The following ZNF71 variants were observed in gnomAD, a reference collection of about 807,000 sequenced individuals.
ZNF71 encodes zinc finger protein 71, also known as endothelial zinc finger protein induced by tumor necrosis factor alpha.
In ZNF71, 3 loss-of-function variants were observed where a neutral mutation model predicts 6.7. The observed-to-expected ratio is 0.45, with a 90% CI of 0.20 to 1.16. The LOEUF (loss-of-function observed/expected upper bound fraction) is 1.16. ZNF71 is among the 50% of genes most tolerant of loss of function. The pLI is 0.25. For synonymous variants in ZNF71, 343 were observed against 311.1 expected (o/e 1.10, Z -1.08); for missense variants, 688 against 728.6 (o/e 0.94, Z 0.64).
intron 1 of ZNF71, among the ~76,000 whole-genome samples, chr19:56,596,674 ACT>A (rs1439152639): frequency 1.3e-5 from 2 of 152,112 alleles, no homozygotes; most frequent in African/African-American, 4.8e-5. Flanking sequence ...TGTCCCAGTA[ACT>A]CTGAGGTAGA....
intron 1 of ZNF71, among the ~76,000 whole-genome samples, chr19:56,600,937 C>T (rs1336365507): frequency 6.6e-6 from 1 of 152,120 alleles, no homozygotes; most frequent in South Asian, 2.1e-4. Context: ...ATGGTAACCC[C>T]ATGAAGTCTG....
intron 2 of ZNF71, among the ~76,000 whole-genome samples, chr19:56,612,703 C>T (rs748745418): frequency 1.1e-4 from 17 of 152,154 alleles, no homozygotes; most frequent in Non-Finnish European, 2.4e-4. Context: ...GATGGGTGCA[C>T]TAAAATCCCA....
chr19:56,617,112 G>GTTTTTTTTTTTTTTTTTTTTTTTTTTT (rs748784485), intron 3 of ZNF71, among the ~76,000 whole-genome samples: 1 of 140,644 alleles, frequency 7.1e-6, no homozygotes. Context: ...ATTTTCTTTT[G>GTTTTTTTTTTTTTTTTTTTTTTTTTTT]TTTTTTTTTG....
chr19:56,602,237 A>T (rs1022469846), intron 2 of ZNF71, among the ~76,000 whole-genome samples: 1 of 152,116 alleles, frequency 6.6e-6, no homozygotes, highest in Non-Finnish European at 1.5e-5. Context: ...GTTTCCAAGT[A>T]TTCTTTTTTT....
chr19:56,613,942 A>T lies in ZNF71; in HGVS notation c.160+4A>T, dbSNP rs1292151333. 10 of 1,069,570 alleles carry T rather than the reference A, an allele frequency of 9.3e-6. No homozygotes were observed. The highest frequency in any genetic ancestry group is 1.2e-5 in the Non-Finnish European group (10 of 865,402). The allele number at this position is 1,069,570 out of a possible 1,614,324, so 66.3% of individuals were successfully genotyped here. A position where few individuals can be genotyped will look rare whatever the true frequency, so the allele number is the denominator to read the frequency against. ...TACAGGAACCTGGTCTCACTGGGTA[A>T]GGGGCAGCTTCGTTGAGTTACTCAT... is the stretch of plus-strand genomic sequence containing the variant. On this transcript the variant is annotated splice_donor_region_variant and intron_variant, in intron 3 of 3. Transcript: ENST00000599599. The surrounding 1 kb of genome is among the most constrained non-coding windows in gnomAD (Gnocchi z 4.6).
chr19:56,600,514 A>G (rs1241537708), intron 1 of ZNF71, among the ~76,000 whole-genome samples: 1 of 149,548 alleles, frequency 6.7e-6, no homozygotes, highest in Non-Finnish European at 1.5e-5. Flanking sequence ...TTTTTTTAAT[A>G]CCAATTAGCC....
Position 56,609,870 on chromosome 19 carries a change from T to C in ZNF71, c.34-3942T>C, listed in dbSNP as rs186941442. On this transcript the variant is annotated intron_variant, in intron 2 of 3. Transcript: ENST00000599599. Reference sequence around the variant, plus strand: ...CATTGTACATAAATGAGGCATACGATATGGATTTTGCCTATTCCGGACATT... The same window carrying C: ...CATTGTACATAAATGAGGCATACGACATGGATTTTGCCTATTCCGGACATT... 8.6e-5 allele frequency: 13 copies of C among 151,818 alleles called. No homozygotes were observed. The East Asian group carries it at 2.5e-3, about 29-fold the overall frequency. The allele number at this position is 151,818 out of a possible 1,614,324, so 9.4% of individuals were successfully genotyped here.
Position 56,622,866 on chromosome 19 carries a change from G to C in ZNF71, c.*109G>C. ...TTCTCCCCTGGGGTGGGGACTCGGG[G>C]TCAGGGGAGCTCAGGAATGTGGGGT... On this transcript the variant is annotated 3_prime_UTR_variant, in exon 4 of 4. Transcript: ENST00000599599. 1 of 1,406,970 alleles carries C rather than the reference G, an allele frequency of 7.1e-7. No homozygotes were observed. 87.2% of individuals were successfully genotyped at this position (1,406,970 alleles called of 1,614,324 possible). A position where few individuals can be genotyped will look rare whatever the true frequency, so the allele number is the denominator to read the frequency against.
rs896456846 is a variant in ZNF71 at position 56,598,991 on chromosome 19, G to A, written c.-52-2516G>A. Among the ~76,000 whole-genome samples, 1 of 152,154 alleles carries A rather than the reference G, an allele frequency of 6.6e-6. No homozygotes were observed. The highest frequency in any genetic ancestry group is 2.4e-5 in the African/African-American group (1 of 41,438). On this transcript the variant is annotated intron_variant, in intron 1 of 3. Transcript: ENST00000599599. This position sits in a 1 kb window ranked among gnomAD's most constrained non-coding sequence, Gnocchi z 4.2. ...TAGTTTGATTCAGAGGATCTGAGGTGGGGGGCAGGAATATATATTCTGAGT... is the reference window on the plus strand; with the variant it reads ...TAGTTTGATTCAGAGGATCTGAGGTAGGGGGCAGGAATATATATTCTGAGT...
At chr19:56,615,975 C>A (rs773417711) in intron 3 of ZNF71, among the ~76,000 whole-genome samples, 5 of 152,142 alleles carry the variant, frequency 3.3e-5, no homozygotes, top group African/African-American at 4.8e-5. Context: ...GATGTAAGAA[C>A]GGGGCTCAAC....
At chr19:56,605,844 A>G (rs1394572761) in intron 2 of ZNF71, among the ~76,000 whole-genome samples, 1 of 152,206 alleles carries the variant, frequency 6.6e-6, no homozygotes, top group Non-Finnish European at 1.5e-5. Context: ...CGTGCCATCC[A>G]TCTCAGGGTC....
intron 1 of ZNF71, 52 bp from the exon 2 acceptor site, chr19:56,601,455 G>A (rs1038329402): frequency 4.9e-6 from 4 of 810,806 alleles, no homozygotes; most frequent in East Asian, 1.3e-4. Flanking sequence ...CATTTGTGAG[G>A]CCAGCCTAGG....
intron 2 of ZNF71, among the ~76,000 whole-genome samples, chr19:56,606,254 T>C (rs891939585): frequency 6.6e-6 from 1 of 152,200 alleles, no homozygotes; most frequent in Non-Finnish European, 1.5e-5. Context: ...TTAATAAATA[T>C]TCGTCAAATG....
chr19:56,605,378 G>T (rs867274105), intron 2 of ZNF71, among the ~76,000 whole-genome samples: 1 of 152,248 alleles, frequency 6.6e-6, no homozygotes, highest in Middle Eastern at 3.4e-3. Context: ...GCCCACCAAG[G>T]CCTCAGCTGT....
At position 56,616,734 on chromosome 19, in the gene ZNF71, A is replaced by C. The variant is rs184147693; in HGVS notation, c.160+2796A>C. On this transcript the variant is annotated intron_variant, in intron 3 of 3. Transcript: ENST00000599599. ...CTCTCTCATCTGTCCTGGGAACTCT[A>C]TCTGCCTTGGTCTCTCAGCTCTGTC... Among the ~76,000 whole-genome samples the C allele has an allele frequency of 4.7e-4, 71 of 152,288 alleles. No homozygotes were observed. The Middle Eastern group carries it at 0.01, about 22-fold the overall frequency.
chr19:56,623,061 G>T lies in ZNF71; in HGVS notation c.*304G>T. On this transcript the variant is annotated 3_prime_UTR_variant, in exon 4 of 4. Coordinates refer to ENST00000599599, the MANE Select transcript of ZNF71 (RefSeq NM_001370215.1). ...CTAGCCCTCTTGAGTAACTGTCCTA[G>T]AGCTGGGACAGGTCACGCCTGCCTC... 2.4e-6 allele frequency: 1 copy of T among 421,602 alleles called. No individual in the cohort carries two copies. The highest frequency in any genetic ancestry group is 4.4e-6 in the Non-Finnish European group (1 of 227,502). 26.1% of individuals were successfully genotyped at this position (421,602 alleles called of 1,614,324 possible).
In ZNF71 at chr19:56,603,504, T is replaced by G. The variant is rs575171984; in HGVS notation, c.33+1913T>G. ...ATTTGGGTTGTTTCCACTTTTTGGC[T>G]ATTATGAATAATGCTGCTATGAATA... On this transcript the variant is annotated intron_variant, in intron 2 of 3. Transcript: ENST00000599599. The surrounding 1 kb of genome is among the most constrained non-coding windows in gnomAD (Gnocchi z 4.6). 8.3e-4 allele frequency among the ~76,000 whole-genome samples: 126 copies of G among 152,372 alleles called. No homozygotes were observed. Among genetic ancestry groups the G allele is most frequent in the African/African-American group, 2.7e-3 (111 of 41,588 alleles).
intron 2 of ZNF71, among the ~76,000 whole-genome samples, chr19:56,611,482 C>G (rs375564778): frequency 2.0e-4 from 30 of 152,226 alleles, no homozygotes; most frequent in African/African-American, 7.0e-4. Context: ...TCCAGTGCCC[C>G]CTATTGACAG....
Position 56,618,487 on chromosome 19 carries a change from A to G in ZNF71, c.161-2781A>G, listed in dbSNP as rs2044815375. On this transcript the variant is annotated intron_variant, in intron 3 of 3. Transcript: ENST00000599599. This position sits in a 1 kb window ranked among gnomAD's most constrained non-coding sequence, Gnocchi z 4.6. ...TGAGCAAGGCCCTTGCCTCTAGTGG[A>G]GCTGACTCCTGCTGGGGGCCGATAA... Among the ~76,000 whole-genome samples the G allele has an allele frequency of 6.6e-6, 1 of 152,072 alleles. No homozygotes were observed. The highest frequency in any genetic ancestry group is 2.4e-5 in the African/African-American group (1 of 41,388).
Sources: gnomAD v4.1 joint callset for allele counts (sites outside exome capture counted in the v4.1 genomes callset) on GRCh38, gnomAD v4.1.1 for gene constraint, Gnocchi (gnomAD v3.1) non-coding constraint, MANE v1.5 for transcripts, NCBI Gene and HGNC (gene_info 2026-07-23, HGNC 2026-07-21) for gene names.